RPGRIP1: variants seen among roughly 807,000 people sequenced by gnomAD.
The protein encoded by RPGRIP1 is RPGR interacting protein 1.
Under a neutral mutation model 157.9 loss-of-function variants are expected in RPGRIP1, and 128 were observed. The observed-to-expected ratio is 0.81, with a 90% CI of 0.70 to 0.94. RPGRIP1 has a LOEUF of 0.94. Ranked by LOEUF, RPGRIP1 falls within the 40% of genes least tolerant of loss-of-function variation. The pLI is 0.00. For synonymous variants in RPGRIP1, 554 were observed against 571.6 expected (o/e 0.97, Z 0.44); for missense variants, 1,486 against 1,545.8 (o/e 0.96, Z 0.65).
intron 7 of RPGRIP1, among the ~76,000 whole-genome samples, chr14:21,309,846 T>C (rs956372922): frequency 2.0e-5 from 3 of 149,266 alleles, no homozygotes; most frequent in Non-Finnish European, 4.4e-5. Flanking sequence ...AAAAAAAAGT[T>C]TGGGAGGCTG....
intron 2 of RPGRIP1, among the ~76,000 whole-genome samples, chr14:21,288,758 C>T (rs962574400): frequency 6.6e-6 from 1 of 152,074 alleles, no homozygotes; most frequent in African/African-American, 2.4e-5. Context: ...AAGTGATCCG[C>T]CTGCCTCGGT....
chr14:21,348,127 A>T, intron 23 of RPGRIP1, 45 bp from the exon 24 acceptor site: 1 of 1,437,248 alleles, frequency 7.0e-7, no homozygotes, highest in Middle Eastern at 1.8e-4. Flanking sequence ...TTTTTGAAGC[A>T]TTAAGAGTAT....
At chr14:21,345,283 A>C (rs932148256) in intron 23 of RPGRIP1, 86 bp downstream of exon 23, 34 of 854,710 alleles carry the variant, frequency 4.0e-5, no homozygotes, top group Non-Finnish European at 6.0e-5. Context: ...CTGATGCTGA[A>C]TATTTTAATA....
At chr14:21,345,404 T>TTA (rs1885462552) in intron 23 of RPGRIP1, among the ~76,000 whole-genome samples, 1 of 152,088 alleles carries the variant, frequency 6.6e-6, no homozygotes, top group Non-Finnish European at 1.5e-5. Flanking sequence ...ATTTATTTAT[T>TTA]TATTTATTTA....
chr14:21,293,354 C>G (rs1363632470), intron 2 of RPGRIP1, among the ~76,000 whole-genome samples: 1 of 151,956 alleles, frequency 6.6e-6, no homozygotes, highest in Non-Finnish European at 1.5e-5. Flanking sequence ...TCTTGGAAAT[C>G]AAAAAAAGTT....
intron 6 of RPGRIP1, among the ~76,000 whole-genome samples, 160 bp from the exon 7 acceptor site, chr14:21,307,571 T>C (rs1881369716): frequency 6.6e-6 from 1 of 152,232 alleles, no homozygotes; most frequent in Non-Finnish European, 1.5e-5. Context: ...AGGAGATTAT[T>C]TACTAGACTG....
At chr14:21,309,074 C>A (rs78601650) in intron 7 of RPGRIP1, among the ~76,000 whole-genome samples, 7 of 152,136 alleles carry the variant, frequency 4.6e-5, no homozygotes, top group Admixed American at 1.3e-4. Context: ...GTTGCCTTCC[C>A]GGCTGTAAGA....
In RPGRIP1 at chr14:21,294,830, ATTTTTTTTTTTT is replaced by A. The variant is rs746359185; in HGVS notation, c.218+42_218+53del. ...AAAAGGTACTTAGAGTTCTCCTTAA[ATTTTTTTTTTTT>A]TTTTTTTTTTTTTTTTTTTTGAGAC... On this transcript the variant is annotated intron_variant, in intron 3 of 24. Transcript: ENST00000400017. The A allele has an allele frequency of 0.012, 8,935 of 775,304 alleles. 135 individuals carry two copies. The African/African-American group carries it at 0.12, about 11-fold the overall frequency. 48.0% of individuals were successfully genotyped at this position (775,304 alleles called of 1,614,324 possible).
chr14:21,288,144 C>A, intron 2 of RPGRIP1, 83 bp downstream of exon 2: 1 of 853,210 alleles, frequency 1.2e-6, no homozygotes, highest in Non-Finnish European at 2.0e-6. Flanking sequence ...TTCACAGAGA[C>A]TGATTTACTT....
intron 19 of RPGRIP1, among the ~76,000 whole-genome samples, chr14:21,329,356 A>T (rs28504460): frequency 0.25 from 38,632 of 151,796 alleles, 5,845 homozygotes; most frequent in African/African-American, 0.43. Context: ...ATCATAGCTA[A>T]TTGTGGCTAG....
At chr14:21,340,262 A>G (rs1884854741) in intron 21 of RPGRIP1, among the ~76,000 whole-genome samples, 1 of 152,216 alleles carries the variant, frequency 6.6e-6, no homozygotes, top group Non-Finnish European at 1.5e-5. Context: ...TCTAGGGAGA[A>G]GAGCTTGCTC....
intron 8 of RPGRIP1, 118 bp from the exon 9 acceptor site, chr14:21,311,705 CT>C: frequency 1.3e-6 from 1 of 745,650 alleles, no homozygotes; most frequent in East Asian, 2.7e-5. Context: ...AGGTAATAAG[CT>C]ATTAATCAAA....
rs371400132 is a variant in RPGRIP1, at chr14:21,343,221, T to C, written c.3525T>C (p.Phe1175=). Residue 1175 remains phenylalanine (F), a synonymous_variant, in exon 22 of 25, where the codon TTT becomes TTC. Transcript: ENST00000400017. The stretch of plus-strand genomic sequence containing the variant: ...CAGGAGAAGAAATCCACTTTCACTT[T>C]AGCAAGGGTGAGGCATCCTGTGTGG... ...PRAGEEIHFH[F]SKVIDLDPQE... The C allele has an allele frequency of 2.5e-5, 40 of 1,612,270 alleles. No individual in the cohort carries two copies. The African/African-American group carries it at 4.5e-4, about 18-fold the overall frequency.
At chr14:21,325,719 G>C in intron 16 of RPGRIP1, 112 bp from the exon 17 acceptor site, 2 of 818,740 alleles carry the variant, frequency 2.4e-6, no homozygotes, top group Non-Finnish European at 3.8e-6. Flanking sequence ...TCCTGATCCA[G>C]TTGGGATAGC....
intron 21 of RPGRIP1, among the ~76,000 whole-genome samples, chr14:21,335,307 G>A (rs1484977281): frequency 6.6e-6 from 1 of 151,990 alleles, no homozygotes; most frequent in East Asian, 1.9e-4. Flanking sequence ...ATTGTGTCCT[G>A]TAATTCATGC....
chr14:21,297,492 G>C (rs775269660), intron 3 of RPGRIP1, among the ~76,000 whole-genome samples: 1 of 152,104 alleles, frequency 6.6e-6, no homozygotes. Flanking sequence ...AATCTGAGAC[G>C]GAGGTGAGGG....
intron 3 of RPGRIP1, 25 bp downstream of exon 3, chr14:21,294,834 T>A: frequency 3.2e-6 from 1 of 313,484 alleles, no homozygotes; most frequent in Admixed American, 1.6e-4. Context: ...CCTTAAATTT[T>A]TTTTTTTTTT....
At position 21,328,562 on chromosome 14, in the gene RPGRIP1, G is replaced by A. The variant is rs754373368; in HGVS notation, c.3034G>A (p.Gly1012Ser). 6 of 1,613,680 alleles carry A rather than the reference G, an allele frequency of 3.7e-6. No homozygotes were observed. Among genetic ancestry groups the A allele is most frequent in the Non-Finnish European group, 5.1e-6 (6 of 1,179,700 alleles). Residue 1012 changes from glycine (G) to serine (S), a missense_variant, in exon 19 of 25, where the codon GGT (glycine) becomes AGT (serine). Transcript: ENST00000400017. ...AAGAAGAAAACATGGCAAAAGAATAGGTGTTCAAGGAAAGAATAGAATGGA... is the reference window on the plus strand; with the variant it reads ...AAGAAGAAAACATGGCAAAAGAATAAGTGTTCAAGGAAAGAATAGAATGGA... Reference protein sequence around the residue: ...YSRRKHGKRIGVQGKNRMEYL... With the variant: ...YSRRKHGKRISVQGKNRMEYL...
chr14:21,282,647 T>C (rs1213182452), intron 1 of RPGRIP1, among the ~76,000 whole-genome samples: 5 of 139,616 alleles, frequency 3.6e-5, no homozygotes, highest in African/African-American at 1.4e-4. Context: ...TCTCGCTCTG[T>C]CTCCCAGGCT....
Sources: allele counts gnomAD v4.1 joint callset (sites outside exome capture counted in the v4.1 genomes callset), GRCh38; gene constraint gnomAD v4.1.1; transcripts MANE v1.5; gene names NCBI Gene and HGNC (gene_info 2026-07-23, HGNC 2026-07-21).